ARID5B: variants seen among roughly 807,000 people sequenced by gnomAD.
The protein encoded by ARID5B is AT-rich interaction domain 5B.
A neutral mutation model predicts 97.2 loss-of-function variants in ARID5B; 13 were observed. The observed-to-expected ratio is 0.13, with a 90% CI of 0.09 to 0.21. The LOEUF is 0.21. Among genes scored for constraint, ARID5B ranks in the 10% least tolerant of loss-of-function variants. The pLI is 1.00. For synonymous variants in ARID5B, 556 were observed against 570.3 expected (o/e 0.97, Z 0.36); for missense variants, 1,210 against 1,465.3 (o/e 0.83, Z 2.84).
At chr10:61,940,965 ATTTTTTTTTTTTTTTTTTTTTT>A (rs869209154) in intron 3 of ARID5B, among the ~76,000 whole-genome samples, 1 of 6,608 alleles carries the variant, frequency 1.5e-4, no homozygotes, top group Non-Finnish European at 3.0e-4. Context: ...ATATATATAT[ATTTTTTTTTTTTTTTTTTTTTT>A]TTTTTTTTTT....
chr10:62,072,118 G>A (rs1207792130), intron 8 of ARID5B, among the ~76,000 whole-genome samples: 5 of 152,174 alleles, frequency 3.3e-5, no homozygotes, highest in Non-Finnish European at 7.3e-5. Flanking sequence ...CCTCAGAGCT[G>A]GGGTTCAGGT....
At chr10:61,928,020 G>A in intron 2 of ARID5B, among the ~76,000 whole-genome samples, 1 of 152,170 alleles carries the variant, frequency 6.6e-6, no homozygotes, top group East Asian at 1.9e-4. Context: ...GCGGGAGGAA[G>A]GGAGAAGTGT....
At chr10:61,955,771 C>T (rs1323194170) in intron 3 of ARID5B, among the ~76,000 whole-genome samples, 4 of 152,148 alleles carry the variant, frequency 2.6e-5, no homozygotes, top group East Asian at 1.9e-4. Context: ...CTGCCTCAGC[C>T]TCTTGAGTAG....
At chr10:62,051,935 C>A (rs1839796177) in intron 5 of ARID5B, among the ~76,000 whole-genome samples, 1 of 151,414 alleles carries the variant, frequency 6.6e-6, no homozygotes, top group Non-Finnish European at 1.5e-5. Flanking sequence ...AAAAAAAAAA[C>A]ATGAGTTAAG....
intron 8 of ARID5B, among the ~76,000 whole-genome samples, chr10:62,072,841 C>T (rs1840082312): frequency 6.6e-6 from 1 of 152,150 alleles, no homozygotes; most frequent in Non-Finnish European, 1.5e-5. Context: ...CTAGGATTAC[C>T]GTTCTAGATG....
intron 2 of ARID5B, among the ~76,000 whole-genome samples, chr10:61,930,967 T>C (rs1844200303): frequency 6.6e-6 from 1 of 152,114 alleles, no homozygotes; most frequent in South Asian, 2.1e-4. Flanking sequence ...TCCATGAAAC[T>C]GGCAGGTGAA....
chr10:61,933,528 G>C (rs192256796), intron 2 of ARID5B, among the ~76,000 whole-genome samples: 1 of 152,130 alleles, frequency 6.6e-6, no homozygotes, highest in South Asian at 2.1e-4. Context: ...AATGATACTC[G>C]TAAGTCAAAG....
intron 4 of ARID5B, among the ~76,000 whole-genome samples, chr10:62,014,759 T>A (rs1839261737): frequency 6.6e-6 from 1 of 152,314 alleles, no homozygotes; most frequent in African/African-American, 2.4e-5. Flanking sequence ...ATGAAAGCTA[T>A]GAATCTTCTC....
At chr10:62,069,988 T>C (rs1173610168) in intron 8 of ARID5B, among the ~76,000 whole-genome samples, 191 bp downstream of exon 8, 5 of 151,946 alleles carry the variant, frequency 3.3e-5, no homozygotes, top group Admixed American at 3.3e-4. Context: ...GGGCTAAAAT[T>C]AGATGTTCTT....
intron 8 of ARID5B, among the ~76,000 whole-genome samples, chr10:62,073,435 G>T (rs547910841): frequency 6.6e-6 from 1 of 152,344 alleles, no homozygotes; most frequent in Admixed American, 6.5e-5. Context: ...AGTGTGGGTT[G>T]TTGAAAAGAA....
intron 7 of ARID5B, among the ~76,000 whole-genome samples, chr10:62,064,639 C>G (rs924160452): frequency 1.3e-5 from 2 of 151,864 alleles, no homozygotes; most frequent in Non-Finnish European, 2.9e-5. Flanking sequence ...GTGGAAGGGA[C>G]AGATTATTTT....
chr10:61,973,062 A>G (rs1459027765), intron 3 of ARID5B, among the ~76,000 whole-genome samples: 3 of 152,316 alleles, frequency 2.0e-5, no homozygotes, highest in Admixed American at 6.5e-5. Flanking sequence ...AAGACAACCC[A>G]ACACTAAGAG....
chr10:61,935,945 C>A (rs1343747691), intron 2 of ARID5B, among the ~76,000 whole-genome samples: 2 of 152,096 alleles, frequency 1.3e-5, no homozygotes, highest in African/African-American at 4.8e-5. Context: ...CATGTCACAT[C>A]GTTTCTGGAA....
At chr10:61,950,676 A>C (rs1404882151) in intron 3 of ARID5B, among the ~76,000 whole-genome samples, 1 of 152,228 alleles carries the variant, frequency 6.6e-6, no homozygotes, top group Non-Finnish European at 1.5e-5. Context: ...AGCCTGGCCA[A>C]CACAGTGAGA....
At chr10:61,907,493 A>T (rs1843726835) in intron 2 of ARID5B, among the ~76,000 whole-genome samples, 1 of 152,250 alleles carries the variant, frequency 6.6e-6, no homozygotes, top group African/African-American at 2.4e-5. Flanking sequence ...TGTGCTGGGA[A>T]TCAGAGATAA....
chr10:62,038,475 A>G (rs1839593117), intron 4 of ARID5B, among the ~76,000 whole-genome samples: 1 of 152,108 alleles, frequency 6.6e-6, no homozygotes, highest in Non-Finnish European at 1.5e-5. Flanking sequence ...TTGGAACATC[A>G]GTCTATTTTT....
Position 62,091,522 on chromosome 10 carries a change from A to G in ARID5B, c.2059A>G (p.Met687Val), listed in dbSNP as rs1840372395. ...LLYSRGNPGI[M>V]SPLAKKKLLS... ...CTACTCTAGGGGCAACCCAGGCATC[A>G]TGTCCCCACTGGCCAAGAAAAAGCT... The change falls in exon 10 of 10, where the codon ATG becomes GTG. Residue 687 changes from methionine to valine, a missense_variant. Met to Val is a conservative substitution (Grantham distance 21). Coordinates refer to ENST00000279873, the MANE Select transcript of ARID5B (RefSeq NM_032199.3). 1 of 1,613,734 alleles carries G rather than the reference A, an allele frequency of 6.2e-7. No individual in the cohort carries two copies. The highest frequency in any genetic ancestry group is 8.5e-7 in the Non-Finnish European group (1 of 1,179,880).
intron 4 of ARID5B, among the ~76,000 whole-genome samples, chr10:62,036,236 A>T (rs1042347045): frequency 6.6e-6 from 1 of 152,206 alleles, no homozygotes; most frequent in Non-Finnish European, 1.5e-5. Context: ...AAAGCTGTGT[A>T]ATGTGCTTGG....
At position 62,057,182 on chromosome 10, in the gene ARID5B, A is replaced by C; in HGVS notation, c.912A>C (p.Ser304=). ...PKNNHNCKKV[S]NEEKPKVAIG... ...ATAACCATAACTGTAAAAAAGTCTC[A>C]AATGAAGAAAAACCAAAGGTTGCCA... The change falls in exon 6 of 10, where the codon TCA becomes TCC. Residue 304 remains serine (S), a synonymous_variant. Coordinates refer to ENST00000279873, the MANE Select transcript of ARID5B (RefSeq NM_032199.3). The C allele has an allele frequency of 6.2e-7, 1 of 1,613,866 alleles. No homozygotes were observed. The highest frequency in any genetic ancestry group is 8.5e-7 in the Non-Finnish European group (1 of 1,179,834).
Sources: allele counts gnomAD v4.1 joint callset (sites outside exome capture counted in the v4.1 genomes callset), GRCh38; gene constraint gnomAD v4.1.1; transcripts MANE v1.5; gene names NCBI Gene and HGNC (gene_info 2026-07-23, HGNC 2026-07-21).